The following ZNF263 variants were observed in gnomAD, a reference collection of about 807,000 sequenced individuals.
ZNF263 encodes the protein zinc finger protein FPM315.
In ZNF263, 49 loss-of-function variants were observed where a neutral mutation model predicts 63.1. The observed-to-expected ratio is 0.78, with a 90% CI of 0.62 to 0.99. The LOEUF (loss-of-function observed/expected upper bound fraction) is 0.99. ZNF263 is among the 50% of genes least tolerant of loss of function. The probability of loss-of-function intolerance (pLI) is 0.00; values close to 1 mark genes in which losing one functional copy is unlikely to be tolerated. For missense variants in ZNF263, 872 were observed against 854.8 expected (o/e 1.02, Z -0.25); for synonymous variants, 352 against 324.2 (o/e 1.09, Z -0.92).
intron 2 of ZNF263, chr16:3,299,393 G>T: frequency 6.5e-7 from 1 of 1,549,650 alleles, no homozygotes; most frequent in Non-Finnish European, 8.7e-7. Flanking sequence ...TCATATTCAG[G>T]TTCCTTTTTG....
chr16:3,291,088 T>G lies in ZNF263; in HGVS notation c.*530T>G, dbSNP rs1275281644. ...GTTGGGAAGCCATGGGCAGTCCAGATCAAGCCACCACGTGCCCTACGATGG... is the reference window on the plus strand; with the variant it reads ...GTTGGGAAGCCATGGGCAGTCCAGAGCAAGCCACCACGTGCCCTACGATGG... On this transcript the variant is annotated 3_prime_UTR_variant, in exon 6 of 6. Transcript: ENST00000219069. The G allele has an allele frequency of 2.0e-6, 2 of 989,878 alleles. No homozygotes were observed. Among genetic ancestry groups the G allele is most frequent in the Admixed American group, 1.1e-4 (2 of 17,470 alleles). 61.3% of individuals were successfully genotyped at this position (989,878 alleles called of 1,614,324 possible).
At chr16:3,291,503 G>A, downstream of ZNF263, 1 of 985,208 alleles carries the variant, frequency 1.0e-6, no homozygotes, top group South Asian at 4.7e-5. Flanking sequence ...AGACCCCCGA[G>A]TGTTGATCTG....
chr16:3,300,664 T>C, intron 2 of ZNF263: 1 of 1,521,848 alleles, frequency 6.6e-7, no homozygotes, highest in Non-Finnish European at 8.8e-7. Flanking sequence ...GGGAAAAGCC[T>C]TAATGAATTG....
At chr16:3,299,988 CCTTT>C (rs1567258692) in intron 2 of ZNF263, 11 of 1,613,920 alleles carry the variant, frequency 6.8e-6, no homozygotes, top group Non-Finnish European at 8.5e-6. Flanking sequence ...AGGCAGACAA[CCTTT>C]CTTTGTTTAT....
In ZNF263 at chr16:3,298,486, T is replaced by C. The variant is rs932635900; in HGVS notation, c.152-620T>C. On this transcript the variant is annotated intron_variant, in intron 1 of 2. Coordinates refer to the ZNF263 transcript ENST00000574674. ...AAGTGTTGAGGTTATCATTAGTCAATAGAATTGAGTGCTTTTTATCTTTTT... is the reference window on the plus strand; with the variant it reads ...AAGTGTTGAGGTTATCATTAGTCAACAGAATTGAGTGCTTTTTATCTTTTT... 9.9e-5 allele frequency among the ~76,000 whole-genome samples: 15 copies of C among 152,246 alleles called. 1 individual carries two copies. Among genetic ancestry groups the C allele is most frequent in the Admixed American group, 8.5e-4 (13 of 15,288 alleles).
chr16:3,291,961 G>A (rs934595543), downstream of ZNF263, among the ~76,000 whole-genome samples: 2 of 152,134 alleles, frequency 1.3e-5, no homozygotes, highest in African/African-American at 4.8e-5. Context: ...TTTGGTAGAG[G>A]TGGGGTCTCA....
At chr16:3,292,199 G>C (rs978843159), downstream of ZNF263, among the ~76,000 whole-genome samples, 1 of 152,104 alleles carries the variant, frequency 6.6e-6, no homozygotes, top group Non-Finnish European at 1.5e-5. Context: ...GCTGTTCTTC[G>C]GGTGAAAAAG....
Position 3,285,175 on chromosome 16 carries a change from C to T in ZNF263, c.504C>T (p.Gly168=), listed in dbSNP as rs1158483284. The T allele has an allele frequency of 2.5e-6, 4 of 1,614,036 alleles. No homozygotes were observed. The highest frequency in any genetic ancestry group is 3.4e-6 in the Non-Finnish European group (4 of 1,180,034). The change falls in exon 2 of 6, where the codon GGC becomes GGT. Residue 168 remains glycine, a synonymous_variant. Transcript: ENST00000219069. Reference sequence around the variant, plus strand: ...CAATGGAGACTGAGCGAAGCCCTGGCCCCAGGCTGCAGGAGCTGCTAGGCC... The same window carrying T: ...CAATGGAGACTGAGCGAAGCCCTGGTCCCAGGCTGCAGGAGCTGCTAGGCC... The part of the protein sequence containing the change: ...LEPMETERSP[G]PRLQELLGPS...
At chr16:3,291,505 G>C (rs564120108), downstream of ZNF263, 3 of 985,190 alleles carry the variant, frequency 3.0e-6, no homozygotes, top group East Asian at 3.4e-4. Flanking sequence ...ACCCCCGAGT[G>C]TTGATCTGTC....
chr16:3,284,883 C>T (rs113646627), intron 1 of ZNF263, among the ~76,000 whole-genome samples, 176 bp from the exon 2 acceptor site: 4 of 152,274 alleles, frequency 2.6e-5, no homozygotes, highest in Non-Finnish European at 2.9e-5. Flanking sequence ...CTTTCCCTAA[C>T]CCCTCCCCCT....
In ZNF263 at chr16:3,289,683, C is replaced by T; in HGVS notation, c.1177C>T (p.Leu393=). ...CGKNFSNNSN[L]IRHQRIHAAE... Reference sequence around the variant, plus strand: ...CAAAAATTTCTCTAACAACTCAAACCTAATTAGGCACCAGAGAATACATGC... The same window carrying T: ...CAAAAATTTCTCTAACAACTCAAACTTAATTAGGCACCAGAGAATACATGC... The change falls in exon 6 of 6, where the codon CTA becomes TTA. Residue 393 remains leucine, a synonymous_variant. Transcript: ENST00000219069. The T allele has an allele frequency of 6.2e-7, 1 of 1,614,254 alleles. No individual in the cohort carries two copies.
intron 4 of ZNF263, 191 bp downstream of exon 4, chr16:3,286,340 G>C: frequency 1.4e-6 from 1 of 734,034 alleles, no homozygotes; most frequent in Non-Finnish European, 2.0e-6. Context: ...AGGCAGCCCG[G>C]GACTGGAGTC....
intron 1 of ZNF263, among the ~76,000 whole-genome samples, chr16:3,297,620 G>A (rs1567257296): frequency 6.6e-6 from 1 of 151,646 alleles, no homozygotes; most frequent in Non-Finnish European, 1.5e-5. Flanking sequence ...GCCTGCCACT[G>A]CGCCCGGCTA....
chr16:3,298,889 T>C (rs1959845564), intron 1 of ZNF263: 16 of 530,388 alleles, frequency 3.0e-5, no homozygotes, highest in Non-Finnish European at 5.0e-5. Context: ...ATATACAAAA[T>C]AATGTCAGTT....
intron 1 of ZNF263, chr16:3,298,855 T>G (rs1213930338): frequency 2.4e-6 from 1 of 418,004 alleles, no homozygotes; most frequent in Non-Finnish European, 4.2e-6. Context: ...GTAAATTTTA[T>G]AACCATTATA....
Position 3,283,776 on chromosome 16 carries a change from G to T in ZNF263, c.-43G>T, listed in dbSNP as rs983781263. ...ATGGGTTCAGGGCGCCTTCGTAGGC[G>T]GGCACGGCTGGTTTCGGGCTAAGGC... On this transcript the variant is annotated 5_prime_UTR_variant, in exon 1 of 6. Transcript: ENST00000219069. The T allele has an allele frequency of 4.0e-6, 6 of 1,499,220 alleles. No individual in the cohort carries two copies. The African/African-American group carries it at 7.0e-5, about 17-fold the overall frequency. 92.9% of individuals were successfully genotyped at this position (1,499,220 alleles called of 1,614,324 possible).
downstream of ZNF263, chr16:3,293,122 C>CT (rs1959657031): frequency 6.6e-6 from 1 of 152,234 alleles, no homozygotes; most frequent in Non-Finnish European, 1.5e-5. Context: ...AATCTCATCT[C>CT]TAATTGTTAT....
chr16:3,293,572 A>C (rs1382646491), downstream of ZNF263, among the ~76,000 whole-genome samples: 1 of 152,252 alleles, frequency 6.6e-6, no homozygotes, highest in Non-Finnish European at 1.5e-5. Context: ...TGGGACAATA[A>C]GGACCTCTAG....
In ZNF263 at chr16:3,283,622, G is replaced by A; in HGVS notation, c.-197G>A. 1 of 756,092 alleles carries A rather than the reference G, an allele frequency of 1.3e-6. No individual in the cohort carries two copies. The highest frequency in any genetic ancestry group is 1.8e-6 in the Non-Finnish European group (1 of 552,252). 46.8% of individuals were successfully genotyped at this position (756,092 alleles called of 1,614,324 possible). A position where few individuals can be genotyped will look rare whatever the true frequency, so the allele number is the denominator to read the frequency against. On this transcript the variant is annotated 5_prime_UTR_variant, in exon 1 of 6. Transcript: ENST00000219069. The stretch of plus-strand genomic sequence containing the variant: ...CTGGCGCAGATGGGCCACGGGGCCG[G>A]CGTGGCGGCGCCTGGGACCGACTGA...
Sources: gnomAD v4.1 joint callset for allele counts (sites outside exome capture counted in the v4.1 genomes callset) on GRCh38, gnomAD v4.1.1 for gene constraint, MANE v1.5 for transcripts, NCBI Gene and HGNC (gene_info 2026-07-23, HGNC 2026-07-21) for gene names.